The following RAI1 variants were observed in gnomAD, a reference collection of about 807,000 sequenced individuals.
RAI1 encodes the protein retinoic acid-induced protein 1.
RAI1 carries 9 observed loss-of-function variants against 123.8 expected under a neutral mutation model. That is an observed-to-expected ratio of 0.07 (90% CI 0.04 to 0.13). The LOEUF is 0.13. Among genes scored for constraint, RAI1 ranks in the 10% least tolerant of loss-of-function variants. The probability of loss-of-function intolerance (pLI) is 1.00; values close to 1 mark genes in which losing one functional copy is unlikely to be tolerated. For missense variants in RAI1, 2,256 were observed against 2,545.8 expected (o/e 0.89, Z 2.45); for synonymous variants, 1,231 against 1,127.3 (o/e 1.09, Z -1.84).
rs398124414 is a variant in RAI1, at chr17:17,794,952, C to T, written c.2004C>T (p.Pro668=). 4.6e-5 allele frequency: 75 copies of T among 1,613,658 alleles called. 1 individual carries two copies. The Admixed American group carries it at 8.3e-4, about 18-fold the overall frequency. The stretch of plus-strand genomic sequence containing the variant: ...GGCCTGGGGAGCCGGAGGCCCTGCC[C>T]GACTCCTTGCAGCTGGACAAGGGCG... The part of the protein sequence containing the change: ...WPRPGEPEAL[P]DSLQLDKGGN... Residue 668 remains proline (P), a synonymous_variant, in exon 3 of 6, where the codon CCC becomes CCT. Transcript: ENST00000353383.
At position 17,809,853 on chromosome 17, in the gene RAI1, C is replaced by A; in HGVS notation, c.5710-117C>A. 1.4e-6 allele frequency: 2 copies of A among 1,427,470 alleles called. No individual in the cohort carries two copies. The allele number at this position is 1,427,470 out of a possible 1,614,324, so 88.4% of individuals were successfully genotyped here. A position where few individuals can be genotyped will look rare whatever the true frequency, so the allele number is the denominator to read the frequency against. On this transcript the variant is annotated intron_variant, in intron 5 of 5. Transcript: ENST00000353383. The surrounding 1 kb of genome is among the most constrained non-coding windows in gnomAD (Gnocchi z 4.9). Reference sequence around the variant, plus strand: ...CGACGGCCTCGGGCGGAGACCCCAGCCGCGCTCTGGGGTCGCCTGGGTCTG... The same window carrying A: ...CGACGGCCTCGGGCGGAGACCCCAGACGCGCTCTGGGGTCGCCTGGGTCTG...
chr17:17,802,875 G>A (rs562696647), intron 3 of RAI1, among the ~76,000 whole-genome samples: 1 of 152,136 alleles, frequency 6.6e-6, no homozygotes, highest in East Asian at 1.9e-4. Context: ...CCTGAGGTCG[G>A]GAGTTCGAGA....
chr17:17,757,504 G>A (rs546394398), intron 2 of RAI1, among the ~76,000 whole-genome samples: 5 of 152,230 alleles, frequency 3.3e-5, no homozygotes, highest in Admixed American at 6.5e-5. Context: ...CCTTGCCTGC[G>A]CTCCACCTTC....
chr17:17,703,139 C>T (rs1915283224), intron 1 of RAI1, among the ~76,000 whole-genome samples: 1 of 152,180 alleles, frequency 6.6e-6, no homozygotes, highest in African/African-American at 2.4e-5. Flanking sequence ...CAACCTGCAC[C>T]TCCACCCCCA....
At chr17:17,741,089 GCGCACACA>G (rs932491511) in intron 2 of RAI1, among the ~76,000 whole-genome samples, 3 of 149,460 alleles carry the variant, frequency 2.0e-5, no homozygotes, top group Admixed American at 6.6e-5. Context: ...ACAAGCGCGC[GCGCACACA>G]CACACACACA....
In RAI1 at chr17:17,794,763, G is replaced by C. The variant is rs759821972; in HGVS notation, c.1815G>C (p.Glu605Asp). 1.2e-6 allele frequency: 2 copies of C among 1,612,972 alleles called. No homozygotes were observed. Among genetic ancestry groups the C allele is most frequent in the South Asian group, 2.2e-5 (2 of 91,080 alleles). Residue 605 changes from glutamate (E) to aspartate (D), a missense_variant, in exon 3 of 6, where the codon GAG (glutamate) becomes GAC (aspartate). Around this residue, in one of 7 missense-constraint regions of RAI1, gnomAD observed 357 missense variants for 480.2 expected, o/e 0.74. Coordinates refer to ENST00000353383, the MANE Select transcript of RAI1 (RefSeq NM_030665.4). ...PRLLLSALAQ[E>D]DLASEILGLQ... ...TGCTGCTCAGCGCCCTGGCACAGGA[G>C]GACCTGGCCTCCGAGATCCTGGGGC...
At chr17:17,694,107 AGGGTCTCCTGGGAGCTGCTAGCCTTGCC>A (rs1384330499) in intron 1 of RAI1, among the ~76,000 whole-genome samples, 1 of 152,204 alleles carries the variant, frequency 6.6e-6, no homozygotes, top group South Asian at 2.1e-4. Context: ...AAAGGGATTC[AGGGTCTCCTGGGAGCTGCTAGCCTTGCC>A]GGGTCTCCTG....
chr17:17,710,769 C>T (rs1430369113), intron 1 of RAI1, among the ~76,000 whole-genome samples: 1 of 152,226 alleles, frequency 6.6e-6, no homozygotes, highest in Admixed American at 6.5e-5. Flanking sequence ...GAGACAGAGC[C>T]CTCTGGGAAG....
rs1224489038 is a variant in RAI1 at position 17,808,540 on chromosome 17, C to T, written c.5660-850C>T. Among the ~76,000 whole-genome samples the T allele has an allele frequency of 5.9e-5, 9 of 151,920 alleles. No homozygotes were observed. The East Asian group carries it at 1.7e-3, about 29-fold the overall frequency. On this transcript the variant is annotated intron_variant, in intron 4 of 5. Transcript: ENST00000353383. The stretch of plus-strand genomic sequence containing the variant: ...ACAGCTCACTGCAACCTCCGCCTCC[C>T]AGGCTCAAGTGATCCTCCCGCCCCA...
At chr17:17,722,674 C>T (rs1453163481) in intron 1 of RAI1, among the ~76,000 whole-genome samples, 1 of 152,226 alleles carries the variant, frequency 6.6e-6, no homozygotes, top group Non-Finnish European at 1.5e-5. Context: ...ATCATCGAGT[C>T]TCAGTTCTCG....
chr17:17,756,909 G>T (rs959924267), intron 2 of RAI1, among the ~76,000 whole-genome samples: 2 of 152,166 alleles, frequency 1.3e-5, no homozygotes, highest in Non-Finnish European at 2.9e-5. Flanking sequence ...ACGGTATTCT[G>T]TTCATGACTG....
At chr17:17,787,953 A>T (rs2031883561) in intron 2 of RAI1, among the ~76,000 whole-genome samples, 1 of 152,088 alleles carries the variant, frequency 6.6e-6, no homozygotes, top group East Asian at 1.9e-4. Context: ...GAGAGTCCAG[A>T]TACCTCTGCA....
At position 17,809,729 on chromosome 17, in the gene RAI1, G is replaced by C. The variant is rs1029702172; in HGVS notation, c.5710-241G>C. On this transcript the variant is annotated intron_variant, in intron 5 of 5. Coordinates refer to ENST00000353383, the MANE Select transcript of RAI1 (RefSeq NM_030665.4). This position sits in a 1 kb window ranked among gnomAD's most constrained non-coding sequence, Gnocchi z 4.9. ...GCCTCCCTGCAGCTCCCCAAGATAG[G>C]TGACAGAGTGGGGCAGGCGGGGGCG... Among the ~76,000 whole-genome samples, 1 of 152,152 alleles carries C rather than the reference G, an allele frequency of 6.6e-6. No individual in the cohort carries two copies. Among genetic ancestry groups the C allele is most frequent in the Non-Finnish European group, 1.5e-5 (1 of 67,998 alleles).
At chr17:17,792,279 TG>T (rs985307648) in intron 2 of RAI1, among the ~76,000 whole-genome samples, 3 of 151,884 alleles carry the variant, frequency 2.0e-5, no homozygotes, top group Admixed American at 6.5e-5. Context: ...AGATTCCAGA[TG>T]GCGTGGCAGT....
chr17:17,716,276 C>T (rs1313500719), intron 1 of RAI1, among the ~76,000 whole-genome samples: 2 of 152,194 alleles, frequency 1.3e-5, no homozygotes, highest in African/African-American at 4.8e-5. Flanking sequence ...TACCCATGAG[C>T]CCTGGGGCCA....
chr17:17,793,340 C>T lies in RAI1; in HGVS notation c.392C>T (p.Pro131Leu), dbSNP rs398124418. 1.7e-5 allele frequency: 27 copies of T among 1,612,652 alleles called. No homozygotes were observed. Among genetic ancestry groups the T allele is most frequent in the East Asian group, 4.5e-5 (2 of 44,880 alleles). The stretch of plus-strand genomic sequence containing the variant: ...GCCCCACAGCCACCACCCCCACAGC[C>T]GCAGCCACTACCTGCAGGGGTGGCC... ...WGAPQPPPPQ[P>L]QPLPAGVAKY... The change falls in exon 3 of 6, where the codon CCG (proline) becomes CTG (leucine). Residue 131 changes from proline to leucine, a missense_variant. Pro to Leu is a moderately conservative substitution (Grantham distance 98). This residue lies in a region of RAI1 where 336 missense variants were observed against 349.8 expected (regional missense o/e 0.96). Coordinates refer to ENST00000353383, the MANE Select transcript of RAI1 (RefSeq NM_030665.4).
Position 17,809,339 on chromosome 17 carries a change from C to A in RAI1, c.5660-51C>A, listed in dbSNP as rs761506967. The A allele has an allele frequency of 6.6e-7, 1 of 1,521,996 alleles. No homozygotes were observed. The highest frequency in any genetic ancestry group is 9.1e-7 in the Non-Finnish European group (1 of 1,096,706). 94.3% of individuals were successfully genotyped at this position (1,521,996 alleles called of 1,614,324 possible). A position where few individuals can be genotyped will look rare whatever the true frequency, so the allele number is the denominator to read the frequency against. ...CCTGGCTGCAGACAAAACCCCACAG[C>A]TGTGGGGCCCCCACCCTGTCCTAAC... On this transcript the variant is annotated intron_variant, in intron 4 of 5. Transcript: ENST00000353383. The surrounding 1 kb of genome is among the most constrained non-coding windows in gnomAD (Gnocchi z 4.9).
chr17:17,730,544 G>A (rs983121549), intron 2 of RAI1, among the ~76,000 whole-genome samples: 1 of 152,252 alleles, frequency 6.6e-6, no homozygotes, highest in Admixed American at 6.5e-5. Context: ...GTCTGTATAT[G>A]TTGTCACCTA....
In RAI1 at chr17:17,794,983, G is replaced by A. The variant is rs747651883; in HGVS notation, c.2035G>A (p.Ala679Thr). 4 of 1,613,914 alleles carry A rather than the reference G, an allele frequency of 2.5e-6. No individual in the cohort carries two copies. The highest frequency in any genetic ancestry group is 3.3e-5 in the Admixed American group (2 of 60,014). Residue 679 changes from alanine (A) to threonine (T), a missense_variant, in exon 3 of 6, where the codon GCC (alanine) becomes ACC (threonine). Physicochemically the swap from Ala to Thr is moderately conservative, Grantham distance 58 (BLOSUM62 0). Transcript: ENST00000353383. ...DSLQLDKGGN[A>T]KDFSPGLFED... ...CTTGCAGCTGGACAAGGGCGGCAAT[G>A]CCAAGGACTTCAGCCCAGGGCTGTT...
Sources: allele counts gnomAD v4.1 joint callset (sites outside exome capture counted in the v4.1 genomes callset), GRCh38; gene constraint gnomAD v4.1.1; regional missense constraint gnomAD v4.1.1; non-coding constraint Gnocchi (gnomAD v3.1); transcripts MANE v1.5; gene names NCBI Gene and HGNC (gene_info 2026-07-23, HGNC 2026-07-21).